The following SMURF1 variants were observed in gnomAD, a reference collection of about 807,000 sequenced individuals.
SMURF1 encodes the protein SMAD specific E3 ubiquitin protein ligase 1.
A neutral mutation model predicts 98.0 loss-of-function variants in SMURF1; 44 were observed. That is an observed-to-expected ratio of 0.45 (90% CI 0.35 to 0.58). SMURF1 has a LOEUF of 0.58. Among genes scored for constraint, SMURF1 ranks in the 20% least tolerant of loss-of-function variants. SMURF1 has a pLI of 0.00. For synonymous variants in SMURF1, 396 were observed against 374.9 expected, an observed-to-expected ratio of 1.06 and a Z score of -0.65; for missense variants, 687 against 938.4, an observed-to-expected ratio of 0.73 and a Z score of 3.50.
chr7:99,066,930 T>G (rs1289108343), intron 1 of SMURF1, among the ~76,000 whole-genome samples: 2 of 152,024 alleles, frequency 1.3e-5, no homozygotes, highest in African/African-American at 4.8e-5. Flanking sequence ...TGGTCCACTC[T>G]AGAGATATAT....
intron 15 of SMURF1, 70 bp downstream of exon 15, chr7:99,036,997 C>G: frequency 6.2e-7 from 1 of 1,608,496 alleles, no homozygotes. Flanking sequence ...CCCCCTGCAG[C>G]AAGGATTTAA....
Position 99,057,261 on chromosome 7 carries a change from A to G in SMURF1, c.347T>C (p.Leu116Ser). ...SRLKDTGYQR[L>S]DLCKLNPSDT... ...TGAGGGGTTTAGTTTGCATAGATCC[A>G]AACGCTGGTCTGTAAACAAACAATT... The change falls in exon 5 of 18, where the codon TTG becomes TCG. Residue 116 changes from leucine (L) to serine (S), a missense_variant. Transcript: ENST00000361368. The G allele has an allele frequency of 6.2e-7, 1 of 1,614,182 alleles. No individual in the cohort carries two copies. Among genetic ancestry groups the G allele is most frequent in the Non-Finnish European group, 8.5e-7 (1 of 1,180,026 alleles).
intron 1 of SMURF1, among the ~76,000 whole-genome samples, chr7:99,092,768 C>T (rs1450709834): frequency 6.6e-6 from 1 of 152,046 alleles, no homozygotes; most frequent in East Asian, 1.9e-4. Flanking sequence ...AATGAATCCA[C>T]GATATATAGT....
intron 11 of SMURF1, among the ~76,000 whole-genome samples, chr7:99,042,656 A>G (rs1270178816): frequency 6.6e-6 from 1 of 151,522 alleles, no homozygotes; most frequent in Non-Finnish European, 1.5e-5. Flanking sequence ...CAGTCAAGCC[A>G]AAAAAAAGGC....
intron 13 of SMURF1, 79 bp downstream of exon 13, chr7:99,040,299 G>GCGCGCGCGCGCA: frequency 3.9e-6 from 5 of 1,290,988 alleles, no homozygotes; most frequent in Non-Finnish European, 4.1e-6. Flanking sequence ...ACACACGCGC[G>GCGCGCGCGCGCA]CGCGCGCGCA....
intron 1 of SMURF1, among the ~76,000 whole-genome samples, chr7:99,088,827 G>A (rs1362155667): frequency 6.6e-6 from 1 of 152,250 alleles, no homozygotes; most frequent in Non-Finnish European, 1.5e-5. Context: ...CACTTTGGGA[G>A]GCTGAGGTGG....
At chr7:99,123,369 T>TA (rs1797684310) in intron 1 of SMURF1, among the ~76,000 whole-genome samples, 3 of 151,944 alleles carry the variant, frequency 2.0e-5, no homozygotes, top group South Asian at 2.1e-4. Flanking sequence ...CCTGTCTCTA[T>TA]AAAAAATTAA....
intron 16 of SMURF1, among the ~76,000 whole-genome samples, chr7:99,034,485 A>C (rs1042351023): frequency 1.3e-5 from 2 of 151,516 alleles, no homozygotes; most frequent in African/African-American, 4.9e-5. Flanking sequence ...CTGCCTCCCC[A>C]CTCACACCTC....
chr7:99,051,461 T>A lies in SMURF1; in HGVS notation c.722-20A>T. 1 of 1,595,124 alleles carries A rather than the reference T, an allele frequency of 6.3e-7. No individual in the cohort carries two copies. ...TTTGTTCTACACAAGAAATTAGAGA[T>A]CCAAATGAGACAAGTTCAATTCCAG... On this transcript the variant is annotated intron_variant, in intron 7 of 17. Transcript: ENST00000361368.
chr7:99,053,404 T>C (rs1323739980), intron 6 of SMURF1, among the ~76,000 whole-genome samples: 1 of 152,168 alleles, frequency 6.6e-6, no homozygotes, highest in African/African-American at 2.4e-5. Flanking sequence ...CCTTAAATAT[T>C]TCCATTATCA....
At chr7:99,138,531 GAAGAGA>G (rs1798045967) in intron 1 of SMURF1, among the ~76,000 whole-genome samples, 2 of 152,074 alleles carry the variant, frequency 1.3e-5, no homozygotes, top group South Asian at 4.2e-4. Context: ...AAAATGTGTG[GAAGAGA>G]AAGAAAAACC....
In SMURF1 at chr7:99,037,190, G is replaced by C; in HGVS notation, c.1689-3C>G. 1 of 1,613,944 alleles carries C rather than the reference G, an allele frequency of 6.2e-7. No individual in the cohort carries two copies. The highest frequency in any genetic ancestry group is 8.5e-7 in the Non-Finnish European group (1 of 1,179,988). ...TAAACCTCCAGTTTACATACAACCT[G>C]GAAGAAAAACTCGCAAGTTGGATGC... On this transcript the variant is annotated splice_polypyrimidine_tract_variant and splice_region_variant and intron_variant, in intron 14 of 17. Transcript: ENST00000361368.
intron 11 of SMURF1, among the ~76,000 whole-genome samples, chr7:99,043,285 T>C (rs1021754427): frequency 7.9e-5 from 12 of 152,142 alleles, no homozygotes; most frequent in African/African-American, 2.2e-4. Context: ...GGGAGATAAG[T>C]GTAGCCTAAC....
intron 1 of SMURF1, among the ~76,000 whole-genome samples, chr7:99,138,569 G>A (rs1211719275): frequency 6.6e-6 from 1 of 152,108 alleles, no homozygotes; most frequent in East Asian, 1.9e-4. Context: ...AAGGACTTTT[G>A]TAACTGCAAG....
chr7:99,093,757 C>CTA (rs760325588), intron 1 of SMURF1, among the ~76,000 whole-genome samples: 111 of 151,640 alleles, frequency 7.3e-4, no homozygotes, highest in Non-Finnish European at 1.1e-3. Context: ...ATGCACTTTT[C>CTA]TATATATATA....
chr7:99,114,371 C>T (rs530625266), intron 1 of SMURF1, among the ~76,000 whole-genome samples: 7 of 152,042 alleles, frequency 4.6e-5, no homozygotes, highest in South Asian at 4.2e-4. Context: ...ATATTAATAT[C>T]GGATAAAACA....
At chr7:99,142,445 G>A (rs1798144638) in intron 1 of SMURF1, among the ~76,000 whole-genome samples, 1 of 151,720 alleles carries the variant, frequency 6.6e-6, no homozygotes, top group East Asian at 1.9e-4. Context: ...AGACTGAAGA[G>A]GGCTGGACCA....
chr7:99,033,662 C>T (rs1326632665), intron 16 of SMURF1, among the ~76,000 whole-genome samples: 2 of 152,174 alleles, frequency 1.3e-5, no homozygotes, highest in East Asian at 3.9e-4. Flanking sequence ...CTGCTAAGGC[C>T]CCCCCTAAAG....
At chr7:99,035,846 G>A in intron 15 of SMURF1, 130 bp from the exon 16 acceptor site, 1 of 843,108 alleles carries the variant, frequency 1.2e-6, no homozygotes, top group South Asian at 1.7e-5. Flanking sequence ...GTACTAGGCA[G>A]ATGTTGAGAC....
Sources: gnomAD v4.1 joint callset for allele counts (sites outside exome capture counted in the v4.1 genomes callset) on GRCh38, gnomAD v4.1.1 for gene constraint, MANE v1.5 for transcripts, NCBI Gene and HGNC (gene_info 2026-07-23, HGNC 2026-07-21) for gene names.